PTPRK: variants seen among roughly 807,000 people sequenced by gnomAD.
PTPRK encodes protein tyrosine phosphatase receptor type K.
In PTPRK, 75 loss-of-function variants were observed where a neutral mutation model predicts 178.0. The observed-to-expected ratio is 0.42, with a 90% CI of 0.35 to 0.51. The LOEUF is 0.51. Ranked by LOEUF, PTPRK falls within the 20% of genes least tolerant of loss-of-function variation. PTPRK has a pLI of 0.02. For synonymous variants in PTPRK, 637 were observed against 620.6 expected (o/e 1.03, Z -0.39); for missense variants, 1,441 against 1,797.8 (o/e 0.80, Z 3.59).
chr6:128,146,048 C>T (rs781193158), intron 7 of PTPRK, among the ~76,000 whole-genome samples: 8 of 152,076 alleles, frequency 5.3e-5, no homozygotes, highest in Non-Finnish European at 1.0e-4. Context: ...GGTGTAGTAC[C>T]CTAGACAGCT....
chr6:128,219,795 T>C lies in PTPRK; in HGVS notation c.694-699A>G, dbSNP rs146623153. On this transcript the variant is annotated intron_variant, in intron 5 of 29. Coordinates refer to ENST00000368226, the MANE Select transcript of PTPRK (RefSeq NM_002844.4). ...GTATTGCCTGTGCTGTAGTATGTTT[T>C]TCCCCACCAGAAGAGTAAGAGCATT... is the stretch of plus-strand genomic sequence containing the variant. Among the ~76,000 whole-genome samples, 835 of 152,332 alleles carry C rather than the reference T, an allele frequency of 5.5e-3. 7 individuals carry two copies. Among genetic ancestry groups the C allele is most frequent in the Middle Eastern group, 0.02 (6 of 294 alleles).
At chr6:128,375,572 A>G (rs1455622024) in intron 2 of PTPRK, among the ~76,000 whole-genome samples, 1 of 152,110 alleles carries the variant, frequency 6.6e-6, no homozygotes, top group Non-Finnish European at 1.5e-5. Flanking sequence ...CCAGATCATA[A>G]CATTCCATCC....
At chr6:128,329,284 G>T (rs1584190912) in intron 2 of PTPRK, among the ~76,000 whole-genome samples, 1 of 152,076 alleles carries the variant, frequency 6.6e-6, no homozygotes, top group African/African-American at 2.4e-5. Flanking sequence ...CAGAGTGTTG[G>T]ATGTCTGAAG....
intron 10 of PTPRK, among the ~76,000 whole-genome samples, chr6:128,081,372 A>G (rs1323405678): frequency 6.6e-6 from 1 of 152,060 alleles, no homozygotes; most frequent in Non-Finnish European, 1.5e-5. Context: ...ATTATAGCTC[A>G]TAATGGAATA....
intron 6 of PTPRK, among the ~76,000 whole-genome samples, chr6:128,207,416 T>C (rs139520542): frequency 1.3e-5 from 2 of 152,258 alleles, no homozygotes; most frequent in East Asian, 1.9e-4. Flanking sequence ...GGTTGATTTT[T>C]AAAAAATCAG....
chr6:128,194,466 G>C (rs1804524781), intron 6 of PTPRK, among the ~76,000 whole-genome samples: 1 of 152,106 alleles, frequency 6.6e-6, no homozygotes, highest in Non-Finnish European at 1.5e-5. Flanking sequence ...ATGTTATGAT[G>C]AAAGTTATGA....
At chr6:127,980,424 G>A (rs546276995) in intron 25 of PTPRK, among the ~76,000 whole-genome samples, 184 of 151,362 alleles carry the variant, frequency 1.2e-3, no homozygotes, top group African/African-American at 4.1e-3. Context: ...CCTGGGAGGC[G>A]GAGGTTGCAG....
intron 2 of PTPRK, among the ~76,000 whole-genome samples, chr6:128,388,893 A>C (rs1241332433): frequency 6.6e-6 from 1 of 152,194 alleles, no homozygotes; most frequent in Non-Finnish European, 1.5e-5. Flanking sequence ...ATAACTTTTG[A>C]ATAGTCAAAA....
intron 7 of PTPRK, among the ~76,000 whole-genome samples, chr6:128,125,269 T>C (rs1793151717): frequency 6.6e-6 from 1 of 152,188 alleles, no homozygotes; most frequent in Admixed American, 6.5e-5. Flanking sequence ...GATTGGATCA[T>C]GGTGGTGGTT....
intron 7 of PTPRK, among the ~76,000 whole-genome samples, chr6:128,107,622 TAAAGAA>T (rs1789938428): frequency 6.6e-6 from 1 of 152,180 alleles, no homozygotes; most frequent in Non-Finnish European, 1.5e-5. Flanking sequence ...AAAGTTAAAA[TAAAGAA>T]AAAGTGTTTG....
intron 7 of PTPRK, among the ~76,000 whole-genome samples, chr6:128,095,532 A>G (rs1272368992): frequency 6.6e-6 from 1 of 152,170 alleles, no homozygotes; most frequent in Non-Finnish European, 1.5e-5. Flanking sequence ...TGGCCCAACC[A>G]GAAACAGAAA....
At chr6:128,188,995 A>T (rs1054641107) in intron 6 of PTPRK, among the ~76,000 whole-genome samples, 6 of 152,220 alleles carry the variant, frequency 3.9e-5, no homozygotes, top group African/African-American at 1.4e-4. Flanking sequence ...TTTCCATATA[A>T]GGAACATTAC....
intron 7 of PTPRK, among the ~76,000 whole-genome samples, chr6:128,091,696 T>C (rs547408304): frequency 5.5e-4 from 81 of 148,474 alleles, no homozygotes; most frequent in Non-Finnish European, 1.1e-3. Context: ...AATTCTTTAA[T>C]TTTTTATTTT....
intron 3 of PTPRK, among the ~76,000 whole-genome samples, chr6:128,269,745 T>C (rs1479447492): frequency 6.6e-6 from 1 of 152,022 alleles, no homozygotes; most frequent in Non-Finnish European, 1.5e-5. Flanking sequence ...GACAATGTAA[T>C]TCATCAGCTG....
chr6:127,996,862 A>C, intron 17 of PTPRK, 39 bp downstream of exon 17: 1 of 1,586,424 alleles, frequency 6.3e-7, no homozygotes, highest in Non-Finnish European at 8.6e-7. Context: ...ATATAAGCAT[A>C]TAATATTTAC....
At chr6:128,078,260 A>G (rs2114984795) in intron 11 of PTPRK, among the ~76,000 whole-genome samples, 1 of 152,110 alleles carries the variant, frequency 6.6e-6, no homozygotes, top group Middle Eastern at 3.4e-3. Context: ...CTTAACTACA[A>G]GTCTATCTGC....
chr6:128,072,423 C>T (rs935472291), intron 11 of PTPRK, among the ~76,000 whole-genome samples: 9 of 151,912 alleles, frequency 5.9e-5, no homozygotes, highest in Admixed American at 2.0e-4. Flanking sequence ...GTGCTCAGAA[C>T]ATTTACATTA....
intron 15 of PTPRK, among the ~76,000 whole-genome samples, chr6:128,000,886 C>T (rs958856285): frequency 5.9e-5 from 9 of 151,948 alleles, no homozygotes; most frequent in African/African-American, 2.2e-4. Context: ...TTGAAAAAGG[C>T]TCAGTGAGAA....
At chr6:128,046,989 G>A (rs1263135092) in intron 13 of PTPRK, among the ~76,000 whole-genome samples, 4 of 152,110 alleles carry the variant, frequency 2.6e-5, no homozygotes, top group Non-Finnish European at 5.9e-5. Context: ...GGGCACCAAT[G>A]AAAGATTTGA....
Sources: allele counts gnomAD v4.1 joint callset (sites outside exome capture counted in the v4.1 genomes callset), GRCh38; gene constraint gnomAD v4.1.1; transcripts MANE v1.5; gene names NCBI Gene and HGNC (gene_info 2026-07-23, HGNC 2026-07-21).